The following CPNE4 variants were observed in gnomAD, a reference collection of about 807,000 sequenced individuals.
CPNE4 encodes the protein copine-4.
A neutral mutation model predicts 67.9 loss-of-function variants in CPNE4; 25 were observed. The observed-to-expected ratio is 0.37, with a 90% CI of 0.27 to 0.51. The LOEUF is 0.51. Ranked by LOEUF, CPNE4 falls within the 20% of genes least tolerant of loss-of-function variation. The probability of loss-of-function intolerance (pLI) is 0.93; values close to 1 mark genes in which losing one functional copy is unlikely to be tolerated. For missense variants in CPNE4, 464 were observed against 690.8 expected (o/e 0.67, Z 3.68); for synonymous variants, 242 against 244.9 (o/e 0.99, Z 0.11).
chr3:131,675,303 T>C (rs565834510), intron 6 of CPNE4, among the ~76,000 whole-genome samples: 4 of 152,172 alleles, frequency 2.6e-5, no homozygotes, highest in Non-Finnish European at 5.9e-5. Context: ...AGTTGAAATG[T>C]TCTGTAAATA....
chr3:131,742,422 T>A (rs1318751916), intron 2 of CPNE4, among the ~76,000 whole-genome samples: 1 of 152,210 alleles, frequency 6.6e-6, no homozygotes, highest in Non-Finnish European at 1.5e-5. Context: ...AACTGCCAAC[T>A]GCAGATCTTA....
chr3:131,624,962 G>T (rs574190112), intron 7 of CPNE4, among the ~76,000 whole-genome samples: 9 of 152,194 alleles, frequency 5.9e-5, no homozygotes, highest in African/African-American at 2.2e-4. Context: ...TTTAGCTTCT[G>T]GTCCTTACCC....
chr3:131,677,916 C>T (rs2080628093), intron 6 of CPNE4, among the ~76,000 whole-genome samples: 1 of 152,054 alleles, frequency 6.6e-6, no homozygotes, highest in African/African-American at 2.4e-5. Flanking sequence ...GTTATTTGGG[C>T]TCTTTTTGGG....
At chr3:131,557,908 C>T (rs960727947) in intron 11 of CPNE4, among the ~76,000 whole-genome samples, 2 of 151,818 alleles carry the variant, frequency 1.3e-5, no homozygotes, top group African/African-American at 4.8e-5. Flanking sequence ...CGAGGATGAC[C>T]CAGAAGTCAA....
At chr3:131,835,176 A>T (rs2085507507) in intron 2 of CPNE4, among the ~76,000 whole-genome samples, 1 of 152,164 alleles carries the variant, frequency 6.6e-6, no homozygotes, top group African/African-American at 2.4e-5. Flanking sequence ...TGTCTCATCT[A>T]TATCTTGGTT....
chr3:131,627,580 A>G (rs932139445), intron 7 of CPNE4, among the ~76,000 whole-genome samples: 2 of 152,216 alleles, frequency 1.3e-5, no homozygotes, highest in Non-Finnish European at 2.9e-5. Context: ...GCTCTGATGG[A>G]TCTGGGCAAA....
chr3:131,691,822 G>A (rs777829354), intron 5 of CPNE4, among the ~76,000 whole-genome samples: 4 of 152,164 alleles, frequency 2.6e-5, no homozygotes, highest in Non-Finnish European at 5.9e-5. Context: ...GAAGGCATCT[G>A]ATTCATGGAA....
chr3:131,944,059 C>T (rs1328025768), intron 1 of CPNE4, among the ~76,000 whole-genome samples: 1 of 152,076 alleles, frequency 6.6e-6, no homozygotes, highest in African/African-American at 2.4e-5. Context: ...TCTTTGAAGA[C>T]AAGAACTATT....
intron 1 of CPNE4, among the ~76,000 whole-genome samples, chr3:131,923,604 C>T (rs1364343994): frequency 6.9e-6 from 1 of 145,640 alleles, no homozygotes; most frequent in East Asian, 2.1e-4. Flanking sequence ...ACTTGGGAGG[C>T]CAAGGCAGGA....
At chr3:131,642,832 T>A (rs2079572508) in intron 7 of CPNE4, among the ~76,000 whole-genome samples, 1 of 152,174 alleles carries the variant, frequency 6.6e-6, no homozygotes, top group South Asian at 2.1e-4. Flanking sequence ...GAACTGTGAG[T>A]CAATTAAACA....
At chr3:131,540,616 G>A (rs1456621010) in intron 15 of CPNE4, among the ~76,000 whole-genome samples, 1 of 152,212 alleles carries the variant, frequency 6.6e-6, no homozygotes, top group East Asian at 1.9e-4. Flanking sequence ...CAGTATAGGT[G>A]AGAGTCCAGT....
At chr3:131,933,753 C>A (rs2071137764) in intron 1 of CPNE4, among the ~76,000 whole-genome samples, 2 of 148,190 alleles carry the variant, frequency 1.3e-5, no homozygotes, top group African/African-American at 5.0e-5. Flanking sequence ...ACCTGGAGGA[C>A]ATTATGCTAA....
At chr3:131,555,304 C>T (rs1936401217) in intron 12 of CPNE4, among the ~76,000 whole-genome samples, 193 bp downstream of exon 12, 1 of 151,970 alleles carries the variant, frequency 6.6e-6, no homozygotes, top group Non-Finnish European at 1.5e-5. Flanking sequence ...ATCCAAAATA[C>T]CAGGAGATAG....
chr3:132,025,120 T>A (rs2074089790), intron 1 of CPNE4, among the ~76,000 whole-genome samples: 1 of 152,142 alleles, frequency 6.6e-6, no homozygotes, highest in Non-Finnish European at 1.5e-5. Flanking sequence ...CATCCTCAAG[T>A]TTGAGAACCA....
At chr3:131,687,099 G>A (rs2080910331) in intron 5 of CPNE4, among the ~76,000 whole-genome samples, 1 of 149,468 alleles carries the variant, frequency 6.7e-6, no homozygotes, top group African/African-American at 2.5e-5. Context: ...CTTCTGTCCA[G>A]TTTCTTGGCC....
At chr3:131,769,367 G>A (rs755998181) in intron 2 of CPNE4, among the ~76,000 whole-genome samples, 6 of 152,108 alleles carry the variant, frequency 3.9e-5, no homozygotes, top group Non-Finnish European at 7.4e-5. Context: ...GTAAATGAAG[G>A]TGTATGTTTG....
intron 1 of CPNE4, among the ~76,000 whole-genome samples, chr3:131,973,702 C>G (rs546075831): frequency 3.3e-5 from 5 of 152,252 alleles, no homozygotes; most frequent in Admixed American, 3.3e-4. Flanking sequence ...CAAAATGTAT[C>G]CATTCCAAAG....
At chr3:131,801,391 C>A (rs1198775457) in intron 2 of CPNE4, among the ~76,000 whole-genome samples, 2 of 84,142 alleles carry the variant, frequency 2.4e-5, no homozygotes, top group African/African-American at 4.6e-5. Context: ...ATATATGGTA[C>A]ATATATATAT....
chr3:131,866,875 A>G (rs946353266), intron 2 of CPNE4, among the ~76,000 whole-genome samples: 6 of 152,254 alleles, frequency 3.9e-5, no homozygotes, highest in Non-Finnish European at 7.3e-5. Flanking sequence ...TTAAGGAAAG[A>G]CAAAGGCATA....
Sources: gnomAD v4.1 joint callset for allele counts (sites outside exome capture counted in the v4.1 genomes callset) on GRCh38, gnomAD v4.1.1 for gene constraint, MANE v1.5 for transcripts, NCBI Gene and HGNC (gene_info 2026-07-23, HGNC 2026-07-21) for gene names.